DDX5: variants seen among roughly 807,000 people sequenced by gnomAD.
DDX5 encodes DEAD-box helicase 5, also known as probable ATP-dependent RNA helicase DDX5.
DDX5 carries 6 observed loss-of-function variants against 68.6 expected under a neutral mutation model. The ratio of observed to expected loss-of-function variants is 0.09; its 90% CI spans 0.05 to 0.17. The LOEUF is 0.17. Among genes scored for constraint, DDX5 ranks in the 10% least tolerant of loss-of-function variants. The pLI is 1.00. For missense variants in DDX5, 499 were observed against 756.1 expected, an observed-to-expected ratio of 0.66 and a Z score of 3.99; for synonymous variants, 350 against 247.0, an observed-to-expected ratio of 1.42 and a Z score of -3.91.
intron 12 of DDX5, 82 bp from the exon 13 acceptor site, chr17:64,500,408 G>A (rs1272862351): frequency 1.3e-6 from 2 of 1,541,028 alleles, no homozygotes; most frequent in African/African-American, 2.8e-5. Flanking sequence ...ATCTATTCAT[G>A]GTAGGCGTGA....
intron 1 of DDX5, 56 bp downstream of exon 1, chr17:64,506,020 A>AGCCCCCCCC: frequency 1.2e-6 from 1 of 868,080 alleles, no homozygotes; most frequent in African/African-American, 1.7e-5. Flanking sequence ...CGCCACCCTG[A>AGCCCCCCCC]CCCGCCCTCC....
chr17:64,506,070 A>G lies in DDX5; in HGVS notation c.44+6T>C, dbSNP rs2144289776. The G allele has an allele frequency of 1.3e-6, 2 of 1,592,892 alleles. No homozygotes were observed. Reference sequence around the variant, plus strand: ...CCAGGCCTGACAGCTCGGCTCCCAAACTCACCCTCGGTCCCGGCCGCGGTC... The same window carrying G: ...CCAGGCCTGACAGCTCGGCTCCCAAGCTCACCCTCGGTCCCGGCCGCGGTC... On this transcript the variant is annotated splice_donor_region_variant and intron_variant, in intron 1 of 12. Coordinates refer to ENST00000225792, the MANE Select transcript of DDX5 (RefSeq NM_004396.5).
intron 1 of DDX5, 84 bp from the exon 2 acceptor site, chr17:64,504,926 T>TA: frequency 7.4e-7 from 1 of 1,357,242 alleles, no homozygotes; most frequent in East Asian, 2.4e-5. Flanking sequence ...TGGCACAAGC[T>TA]AAAAACCACT....
At chr17:64,506,349 C>A, upstream of DDX5, 2 of 1,451,126 alleles carry the variant, frequency 1.4e-6, no homozygotes, top group South Asian at 1.4e-5. Flanking sequence ...CCGCAGGGAA[C>A]GCTGGGAGCC....
At position 64,502,056 on chromosome 17, in the gene DDX5, T is replaced by C; in HGVS notation, c.1170A>G (p.Gly390=). Residue 390 remains glycine (G), a synonymous_variant, in exon 11 of 13, where the codon GGA becomes GGG. Transcript: ENST00000225792. ...CTGTAGCAATCAGAATAGGAGCTTT[T>C]CCATGTTTGAATTCTACAAAGGAAG... ...RDWVLNEFKH[G]KAPILIATDV... The C allele has an allele frequency of 6.2e-7, 1 of 1,614,196 alleles. No individual in the cohort carries two copies. The highest frequency in any genetic ancestry group is 8.5e-7 in the Non-Finnish European group (1 of 1,180,024).
At position 64,503,980 on chromosome 17, in the gene DDX5, T is replaced by C. The variant is rs2038362478; in HGVS notation, c.441+3A>G. 2 of 1,614,066 alleles carry C rather than the reference T, an allele frequency of 1.2e-6. No homozygotes were observed. Among genetic ancestry groups the C allele is most frequent in the South Asian group, 1.1e-5 (1 of 91,090 alleles). Reference sequence around the variant, plus strand: ...ATCAACTCAAGAGTTCTCCCAAACTTACAGACAATGTTTTCCCAGATCCAG... The same window carrying C: ...ATCAACTCAAGAGTTCTCCCAAACTCACAGACAATGTTTTCCCAGATCCAG... On this transcript the variant is annotated splice_donor_region_variant and intron_variant, in intron 4 of 12. Coordinates refer to ENST00000225792, the MANE Select transcript of DDX5 (RefSeq NM_004396.5).
chr17:64,506,392 A>G (rs868970971), upstream of DDX5: 23 of 1,401,554 alleles, frequency 1.6e-5, no homozygotes, highest in African/African-American at 5.8e-5. Context: ...CCCCTCGCGC[A>G]TAGGCCGCAA....
chr17:64,506,028 T>TCCCCCCCCCC, intron 1 of DDX5, 48 bp downstream of exon 1: 4 of 632,796 alleles, frequency 6.3e-6, no homozygotes, highest in East Asian at 6.1e-5. Context: ...TGACCCGCCC[T>TCCCCCCCCCC]CCCATCCCCC....
At chr17:64,505,752 G>T (rs782616487) in intron 1 of DDX5, 1 of 1,536,052 alleles carries the variant, frequency 6.5e-7, no homozygotes, top group African/African-American at 1.4e-5. Context: ...GCACCTAACA[G>T]ATGTTCCTTC....
Sources: gnomAD v4.1 joint callset for allele counts on GRCh38, gnomAD v4.1.1 for gene constraint, MANE v1.5 for transcripts, NCBI Gene and HGNC (gene_info 2026-07-23, HGNC 2026-07-21) for gene names.